TLN2: variants seen among roughly 807,000 people sequenced by gnomAD.
The protein encoded by TLN2 is talin-2.
A neutral mutation model predicts 294.7 loss-of-function variants in TLN2; 118 were observed. The observed-to-expected ratio is 0.40, with a 90% CI of 0.34 to 0.47. The LOEUF (loss-of-function observed/expected upper bound fraction) is 0.47, where lower values mean the gene tolerates loss of function less well. Among genes scored for constraint, TLN2 ranks in the 20% least tolerant of loss-of-function variants. The probability of loss-of-function intolerance (pLI) is 0.84; values close to 1 mark genes in which losing one functional copy is unlikely to be tolerated. For missense variants in TLN2, 3,083 were observed against 3,282.2 expected (o/e 0.94, Z 1.48); for synonymous variants, 1,431 against 1,304.5 (o/e 1.10, Z -2.09).
chr15:62,541,494 C>A (rs186715475), intron 1 of TLN2, among the ~76,000 whole-genome samples: 2 of 152,242 alleles, frequency 1.3e-5, no homozygotes, highest in African/African-American at 4.8e-5. Context: ...GCCTGTGTAT[C>A]TTCTCTGGTC....
At chr15:62,723,982 C>G (rs958219790) in intron 26 of TLN2, among the ~76,000 whole-genome samples, 4 of 152,024 alleles carry the variant, frequency 2.6e-5, no homozygotes, top group Non-Finnish European at 5.9e-5. Context: ...AACCCCATCT[C>G]TAATAAAAAT....
intron 5 of TLN2, among the ~76,000 whole-genome samples, 161 bp downstream of exon 5, chr15:62,650,342 G>C (rs1396132129): frequency 6.6e-6 from 1 of 152,194 alleles, no homozygotes; most frequent in African/African-American, 2.4e-5. Flanking sequence ...GAAAATGTCA[G>C]ATATCCAAAT....
At position 62,738,325 on chromosome 15, in the gene TLN2, G is replaced by T. The variant is rs779183403; in HGVS notation, c.3679G>T (p.Val1227Leu). Reference protein sequence around the residue: ...SIGESSKKLLVDSLPPSTKPF... With the variant: ...SIGESSKKLLLDSLPPSTKPF... ...CGGGGAGTCCAGCAAGAAGCTGCTT[G>T]TGGATTCGGTGAGAGGTTCTTAGAT... The change falls in exon 30 of 59, where the codon GTG becomes TTG. Residue 1227 changes from valine (V) to leucine (L), a missense_variant. Coordinates refer to ENST00000636159, the MANE Select transcript of TLN2 (RefSeq NM_015059.3). The T allele has an allele frequency of 6.2e-7, 1 of 1,613,992 alleles. No individual in the cohort carries two copies. Among genetic ancestry groups the T allele is most frequent in the Non-Finnish European group, 8.5e-7 (1 of 1,179,930 alleles).
chr15:62,715,849 C>T (rs1421023031), intron 22 of TLN2, among the ~76,000 whole-genome samples: 1 of 152,152 alleles, frequency 6.6e-6, no homozygotes, highest in Non-Finnish European at 1.5e-5. Flanking sequence ...TGAGCCCTCC[C>T]TCCATCCTTC....
In TLN2 at chr15:62,722,339, T is replaced by C; in HGVS notation, c.2992-14T>C. The C allele has an allele frequency of 1.3e-6, 2 of 1,595,816 alleles. No homozygotes were observed. The highest frequency in any genetic ancestry group is 1.1e-5 in the South Asian group (1 of 89,508). Reference sequence around the variant, plus strand: ...GCCCAGGAGCCATCTTACTTTCTTTTCATCTCTCTATAGCCTGGAAGCAAG... The same window carrying C: ...GCCCAGGAGCCATCTTACTTTCTTTCCATCTCTCTATAGCCTGGAAGCAAG... On this transcript the variant is annotated splice_polypyrimidine_tract_variant and intron_variant, in intron 25 of 58. Coordinates refer to ENST00000636159, the MANE Select transcript of TLN2 (RefSeq NM_015059.3).
intron 46 of TLN2, among the ~76,000 whole-genome samples, chr15:62,795,062 G>A (rs865879601): frequency 3.3e-5 from 5 of 152,280 alleles, no homozygotes; most frequent in Middle Eastern, 3.4e-3. Context: ...GTGGCGTCCC[G>A]GGAGGCAGGG....
At chr15:62,622,377 C>T (rs956751379) in intron 3 of TLN2, among the ~76,000 whole-genome samples, 2 of 152,092 alleles carry the variant, frequency 1.3e-5, no homozygotes, top group Non-Finnish European at 2.9e-5. Context: ...CATGTAATTG[C>T]AAATTTGGAG....
At chr15:62,692,758 T>TACC in intron 12 of TLN2, 82 bp from the exon 13 acceptor site, 1 of 1,023,560 alleles carries the variant, frequency 9.8e-7, no homozygotes, top group Middle Eastern at 2.0e-4. Flanking sequence ...CTATGTCATA[T>TACC]TGTTCTAGAG....
intron 21 of TLN2, among the ~76,000 whole-genome samples, chr15:62,709,061 C>T (rs539240665): frequency 6.6e-6 from 1 of 152,316 alleles, no homozygotes; most frequent in South Asian, 2.1e-4. Flanking sequence ...CCCCTTTGTT[C>T]TGCGAATGCA....
chr15:62,458,042 G>A (rs1023509744), intron 1 of TLN2, among the ~76,000 whole-genome samples: 2 of 152,342 alleles, frequency 1.3e-5, no homozygotes, highest in Admixed American at 1.3e-4. Flanking sequence ...CTGGTCAATG[G>A]TCCCTCATCC....
rs182807513 is a variant in TLN2 at position 62,530,355 on chromosome 15, C to A, written c.-237-59332C>A. ...TTATTTATTTATTTATTCATGTATT[C>A]ATTCATTCATTCATTCATTCAAGAT... On this transcript the variant is annotated intron_variant, in intron 1 of 58. Coordinates refer to ENST00000636159, the MANE Select transcript of TLN2 (RefSeq NM_015059.3). Among the ~76,000 whole-genome samples the A allele has an allele frequency of 9.2e-4, 140 of 151,950 alleles. 3 individuals are homozygous for A. In the East Asian group the frequency reaches 0.026, roughly 28 times the overall value.
intron 13 of TLN2, among the ~76,000 whole-genome samples, 187 bp from the exon 14 acceptor site, chr15:62,694,129 G>C (rs1331908662): frequency 6.6e-6 from 1 of 151,912 alleles, no homozygotes; most frequent in Admixed American, 6.6e-5. Context: ...CACCATGCCA[G>C]GCTGATTTAT....
chr15:62,667,596 T>C (rs1020469476), intron 9 of TLN2, among the ~76,000 whole-genome samples: 3 of 152,228 alleles, frequency 2.0e-5, no homozygotes, highest in African/African-American at 7.2e-5. Flanking sequence ...ACTCATAGGT[T>C]GTAAGCCTCT....
Position 62,779,955 on chromosome 15 carries a change from C to T in TLN2, c.5515-1185C>T, listed in dbSNP as rs201722246. ...GACATATAGCTGTCACTGAAGATAC[C>T]AGCTAACATTTTCCTAATTGACCAC... On this transcript the variant is annotated intron_variant, in intron 43 of 58. Transcript: ENST00000636159. Among the ~76,000 whole-genome samples, 10 of 152,300 alleles carry T rather than the reference C, an allele frequency of 6.6e-5. No homozygotes were observed. The South Asian group carries it at 1.2e-3, about 19-fold the overall frequency.
At chr15:62,656,169 G>GCGCTGGCT in intron 8 of TLN2, 83 bp downstream of exon 8, 1 of 1,541,026 alleles carries the variant, frequency 6.5e-7, no homozygotes, top group Non-Finnish European at 8.8e-7. Context: ...CAGGAGGGCG[G>GCGCTGGCT]CGCTGGCTTC....
At chr15:62,653,365 C>G (rs1462207033) in intron 7 of TLN2, 51 bp downstream of exon 7, 6 of 1,549,016 alleles carry the variant, frequency 3.9e-6, no homozygotes, top group Non-Finnish European at 5.2e-6. Context: ...TTTGCTAAGC[C>G]TCACTTCCCT....
chr15:62,796,510 A>T (rs913215363), intron 47 of TLN2, among the ~76,000 whole-genome samples: 2 of 152,196 alleles, frequency 1.3e-5, no homozygotes, highest in African/African-American at 4.8e-5. Flanking sequence ...TGACAGCCTT[A>T]AATCCAGCCT....
At chr15:62,563,863 C>T (rs1596145936) in intron 1 of TLN2, among the ~76,000 whole-genome samples, 1 of 152,158 alleles carries the variant, frequency 6.6e-6, no homozygotes, top group Admixed American at 6.6e-5. Context: ...CCCCAGTGTG[C>T]ATCACGTTTT....
chr15:62,628,124 A>G (rs894255887), intron 3 of TLN2, among the ~76,000 whole-genome samples: 24 of 152,254 alleles, frequency 1.6e-4, no homozygotes, highest in Admixed American at 6.5e-5. Flanking sequence ...TAAGATTACC[A>G]GTAATGCTAA....
Sources: allele counts gnomAD v4.1 joint callset (sites outside exome capture counted in the v4.1 genomes callset), GRCh38; gene constraint gnomAD v4.1.1; transcripts MANE v1.5; gene names NCBI Gene and HGNC (gene_info 2026-07-23, HGNC 2026-07-21).